EPHA5: variants seen among roughly 807,000 people sequenced by gnomAD.
The protein encoded by EPHA5 is ephrin type-A receptor 5.
Under a neutral mutation model 105.0 loss-of-function variants are expected in EPHA5, and 60 were observed. That is an observed-to-expected ratio of 0.57 (90% confidence interval 0.46 to 0.71). The LOEUF is 0.71. EPHA5 is among the 30% of genes least tolerant of loss of function. The pLI is 0.00. For missense variants in EPHA5, 1,218 were observed against 1,274.7 expected, an observed-to-expected ratio of 0.96 and a Z score of 0.68; for synonymous variants, 513 against 449.1, an observed-to-expected ratio of 1.14 and a Z score of -1.80.
chr4:65,574,679 CAT>C (rs10672968), intron 3 of EPHA5, among the ~76,000 whole-genome samples: 4 of 61,092 alleles, frequency 6.5e-5, no homozygotes, highest in African/African-American at 2.3e-4. Context: ...CATATATATA[CAT>C]ATATATACAT....
At chr4:65,513,095 T>C (rs1733777739) in intron 3 of EPHA5, among the ~76,000 whole-genome samples, 1 of 152,158 alleles carries the variant, frequency 6.6e-6, no homozygotes, top group South Asian at 2.1e-4. Context: ...GGTTAGGAAA[T>C]ATGGCATTTG....
chr4:65,522,480 G>A (rs990712975), intron 3 of EPHA5, among the ~76,000 whole-genome samples: 4 of 151,436 alleles, frequency 2.6e-5, no homozygotes, highest in African/African-American at 9.7e-5. Flanking sequence ...AAACCTAGTC[G>A]GCCACACACA....
intron 4 of EPHA5, among the ~76,000 whole-genome samples, chr4:65,491,961 T>C (rs1731442820): frequency 6.6e-6 from 1 of 152,152 alleles, no homozygotes; most frequent in Non-Finnish European, 1.5e-5. Context: ...TTATATTTGT[T>C]CCAGAGACAA....
At chr4:65,632,805 A>G (rs1746769791) in intron 2 of EPHA5, among the ~76,000 whole-genome samples, 1 of 152,122 alleles carries the variant, frequency 6.6e-6, no homozygotes, top group South Asian at 2.1e-4. Context: ...AGAAGTATCC[A>G]CACTTCTGGG....
At chr4:65,439,116 G>A (rs1339815653) in intron 5 of EPHA5, among the ~76,000 whole-genome samples, 4 of 152,088 alleles carry the variant, frequency 2.6e-5, no homozygotes, top group Admixed American at 6.6e-5. Context: ...ACAACTAGCA[G>A]TGCAGTTGAT....
At chr4:65,498,743 G>C (rs1377363885) in intron 3 of EPHA5, among the ~76,000 whole-genome samples, 2 of 151,670 alleles carry the variant, frequency 1.3e-5, no homozygotes, top group Non-Finnish European at 3.0e-5. Flanking sequence ...AAATGTGTTG[G>C]AGAAGATAAT....
rs548005057 is a variant in EPHA5, at chr4:65,470,777, C to A, written c.1402+19600G>T. Among the ~76,000 whole-genome samples, 3 of 152,250 alleles carry A rather than the reference C, an allele frequency of 2.0e-5. No individual in the cohort carries two copies. The East Asian group carries it at 5.8e-4, about 29-fold the overall frequency. ...CGACTTCACAGTTTTGAAGAACAAG[C>A]CACTAATATTTGCAGTCCTGTTAAA... On this transcript the variant is annotated intron_variant, in intron 5 of 16. Coordinates refer to ENST00000613740, the MANE Select transcript of EPHA5 (RefSeq NM_001281766.3).
chr4:65,433,865 G>A (rs911572331), intron 5 of EPHA5, among the ~76,000 whole-genome samples: 9 of 152,044 alleles, frequency 5.9e-5, no homozygotes, highest in African/African-American at 1.7e-4. Flanking sequence ...CCAACATGGC[G>A]AAACCCCGTC....
At chr4:65,355,936 T>TGTG (rs1392155136) in intron 11 of EPHA5, among the ~76,000 whole-genome samples, 2 of 151,564 alleles carry the variant, frequency 1.3e-5, no homozygotes, top group African/African-American at 4.8e-5. Context: ...ATCCTCCATG[T>TGTG]GTGGCTCTTT....
At chr4:65,547,510 T>C (rs1287677313) in intron 3 of EPHA5, among the ~76,000 whole-genome samples, 1 of 151,992 alleles carries the variant, frequency 6.6e-6, no homozygotes, top group Non-Finnish European at 1.5e-5. Context: ...CCTGGTGTTA[T>C]ATTAAAGGTG....
intron 3 of EPHA5, among the ~76,000 whole-genome samples, chr4:65,576,108 G>GAA (rs1392660370): frequency 1.9e-4 from 13 of 66,970 alleles, no homozygotes; most frequent in East Asian, 5.6e-4. Flanking sequence ...GAAAAGAAAA[G>GAA]AAAAGAAAAA....
At chr4:65,454,277 T>C (rs946450957) in intron 5 of EPHA5, among the ~76,000 whole-genome samples, 1 of 151,398 alleles carries the variant, frequency 6.6e-6, no homozygotes, top group Non-Finnish European at 1.5e-5. Flanking sequence ...CAAAACTCCA[T>C]CTCTAATAAT....
chr4:65,443,430 G>A (rs948033127), intron 5 of EPHA5, among the ~76,000 whole-genome samples: 1 of 151,556 alleles, frequency 6.6e-6, no homozygotes, highest in East Asian at 1.9e-4. Context: ...CTGCGATACC[G>A]AATTAGATGG....
chr4:65,585,668 T>C (rs1180865100), intron 3 of EPHA5, among the ~76,000 whole-genome samples: 2 of 151,772 alleles, frequency 1.3e-5, no homozygotes, highest in South Asian at 4.2e-4. Flanking sequence ...ATCTGAAGAT[T>C]ATTGGAGATT....
rs1017615996 is a variant in EPHA5, at chr4:65,412,045, A to C, written c.1687+2239T>G. Among the ~76,000 whole-genome samples, 10 of 152,166 alleles carry C rather than the reference A, an allele frequency of 6.6e-5. No individual in the cohort carries two copies. In the East Asian group the frequency reaches 1.9e-3, roughly 29 times the overall value. On this transcript the variant is annotated intron_variant, in intron 7 of 16. Coordinates refer to ENST00000613740, the MANE Select transcript of EPHA5 (RefSeq NM_001281766.3). Reference sequence around the variant, plus strand: ...GGAGTTTGAGACCAGACTGACCAACATGGAGAAACCTCATCTCTATTAAAA... The same window carrying C: ...GGAGTTTGAGACCAGACTGACCAACCTGGAGAAACCTCATCTCTATTAAAA...
intron 5 of EPHA5, among the ~76,000 whole-genome samples, chr4:65,432,467 T>C (rs1043993094): frequency 2.2e-4 from 34 of 152,204 alleles, no homozygotes; most frequent in African/African-American, 7.5e-4. Flanking sequence ...AGTCAGAATA[T>C]GTTTGAAACC....
At chr4:65,360,013 G>A (rs558205114) in intron 11 of EPHA5, among the ~76,000 whole-genome samples, 39 of 151,504 alleles carry the variant, frequency 2.6e-4, no homozygotes, top group African/African-American at 6.5e-4. Flanking sequence ...GCTGTTTCTC[G>A]AACCTTCCAG....
intron 3 of EPHA5, among the ~76,000 whole-genome samples, chr4:65,537,397 T>A (rs1374681834): frequency 6.6e-6 from 1 of 151,768 alleles, no homozygotes; most frequent in Non-Finnish European, 1.5e-5. Context: ...AACTATATCT[T>A]GCTAATGTGG....
intron 5 of EPHA5, among the ~76,000 whole-genome samples, chr4:65,451,987 G>A (rs1410310635): frequency 6.6e-6 from 1 of 152,116 alleles, no homozygotes; most frequent in East Asian, 1.9e-4. Context: ...GTTAGTTAAA[G>A]CTAATGTTTC....
Sources: allele counts gnomAD v4.1 joint callset (sites outside exome capture counted in the v4.1 genomes callset), GRCh38; gene constraint gnomAD v4.1.1; transcripts MANE v1.5; gene names NCBI Gene and HGNC (gene_info 2026-07-23, HGNC 2026-07-21).